The following STK3 variants were observed in gnomAD, a reference collection of about 807,000 sequenced individuals.
STK3 encodes serine/threonine kinase 3, also known as serine/threonine-protein kinase 3.
In STK3, 41 loss-of-function variants were observed where a neutral mutation model predicts 58.0. The observed-to-expected ratio is 0.71, with a 90% CI of 0.55 to 0.92. The LOEUF is 0.92. Among genes scored for constraint, STK3 ranks in the 40% least tolerant of loss-of-function variants. STK3 has a pLI of 0.00. For synonymous variants in STK3, 170 were observed against 191.0 expected, an observed-to-expected ratio of 0.89 and a Z score of 0.91; for missense variants, 479 against 602.7, an observed-to-expected ratio of 0.79 and a Z score of 2.15.
At chr8:98,552,296 C>T (rs1466379636) in intron 8 of STK3, among the ~76,000 whole-genome samples, 4 of 152,084 alleles carry the variant, frequency 2.6e-5, no homozygotes, top group Non-Finnish European at 5.9e-5. Flanking sequence ...GCAGATTGAT[C>T]CCTTCAGAAG....
chr8:98,506,127 G>C (rs375541012), intron 10 of STK3, among the ~76,000 whole-genome samples: 1 of 152,226 alleles, frequency 6.6e-6, no homozygotes, highest in Admixed American at 6.5e-5. Context: ...CCCCCTGCCA[G>C]GTTGCTGCCT....
chr8:98,378,731 C>A (rs1275320026), intron 2 of STK3, among the ~76,000 whole-genome samples: 2 of 152,156 alleles, frequency 1.3e-5, no homozygotes, highest in Non-Finnish European at 2.9e-5. Context: ...CCTTCTCTGG[C>A]TGCTTTCATA....
intron 6 of STK3, among the ~76,000 whole-genome samples, chr8:98,606,749 G>T (rs1365845136): frequency 6.6e-6 from 1 of 152,116 alleles, no homozygotes; most frequent in Non-Finnish European, 1.5e-5. Context: ...AGTCACACAG[G>T]CTCTGTGTTC....
chr8:98,448,771 G>A (rs1819064618), intron 1 of STK3, among the ~76,000 whole-genome samples: 1 of 152,128 alleles, frequency 6.6e-6, no homozygotes, highest in Admixed American at 6.6e-5. Context: ...TTCTGTTGAG[G>A]AAACATGGGG....
chr8:98,757,182 G>T (rs1428383676), intron 3 of STK3, among the ~76,000 whole-genome samples: 1 of 151,168 alleles, frequency 6.6e-6, no homozygotes, highest in African/African-American at 2.4e-5. Flanking sequence ...TAATAATAAA[G>T]CATACTTTTT....
intron 1 of STK3, among the ~76,000 whole-genome samples, chr8:98,900,333 G>A (rs1235372528): frequency 6.6e-6 from 1 of 151,890 alleles, no homozygotes; most frequent in Admixed American, 6.6e-5. Flanking sequence ...TGCCTGCCTC[G>A]GCTTCCCAAA....
intron 7 of STK3, among the ~76,000 whole-genome samples, chr8:98,587,943 T>TTTGCTTGGTAGATTTTCCTCCATCC (rs1814816116): frequency 6.6e-6 from 1 of 152,216 alleles, no homozygotes; most frequent in Non-Finnish European, 1.5e-5. Flanking sequence ...TTGTTTTCCA[T>TTTGCTTGGTAGATTTTCCTCCATCC]TTGCTTGGTA....
intron 10 of STK3, among the ~76,000 whole-genome samples, chr8:98,512,858 G>A (rs991628902): frequency 2.6e-5 from 4 of 152,104 alleles, no homozygotes; most frequent in Non-Finnish European, 5.9e-5. Context: ...AGTGGTGTCT[G>A]GTCAATTTAT....
intron 10 of STK3, among the ~76,000 whole-genome samples, chr8:98,508,260 CACTTTATG>C (rs1413723288): frequency 6.6e-6 from 1 of 152,114 alleles, no homozygotes; most frequent in Non-Finnish European, 1.5e-5. Flanking sequence ...CTTCAGGAAA[CACTTTATG>C]TTAACTATTA....
At chr8:98,909,329 C>T (rs969578940) in intron 1 of STK3, among the ~76,000 whole-genome samples, 6 of 151,984 alleles carry the variant, frequency 3.9e-5, no homozygotes, top group East Asian at 3.8e-4. Flanking sequence ...CATATTTTAT[C>T]GACAGATGTT....
intron 6 of STK3, among the ~76,000 whole-genome samples, chr8:98,670,775 T>TC (rs1447605861): frequency 3.3e-5 from 5 of 152,204 alleles, no homozygotes; most frequent in Admixed American, 6.5e-5. Flanking sequence ...TGACCCAACT[T>TC]CGAGTGAGAG....
At chr8:98,411,357 G>A (rs1252369134) in intron 3 of STK3, among the ~76,000 whole-genome samples, 1 of 152,228 alleles carries the variant, frequency 6.6e-6, no homozygotes, top group Non-Finnish European at 1.5e-5. Context: ...CTCCCTTTTA[G>A]AAGTATGCGG....
intron 10 of STK3, among the ~76,000 whole-genome samples, chr8:98,469,851 G>A (rs913724051): frequency 5.8e-4 from 88 of 152,296 alleles, no homozygotes; most frequent in African/African-American, 2.0e-3. Context: ...CTATGTGGCT[G>A]CTGAATTCAA....
At chr8:98,753,466 A>G (rs1383821380) in intron 3 of STK3, among the ~76,000 whole-genome samples, 2 of 152,094 alleles carry the variant, frequency 1.3e-5, no homozygotes, top group Admixed American at 6.6e-5. Flanking sequence ...ACTGGGGCCT[A>G]TCAGAAGGTG....
intron 7 of STK3, among the ~76,000 whole-genome samples, chr8:98,592,536 T>G (rs1307141320): frequency 6.6e-6 from 1 of 152,102 alleles, no homozygotes; most frequent in East Asian, 1.9e-4. Flanking sequence ...TGTGTGTTTT[T>G]GGGGTGTGTG....
At chr8:98,724,536 A>G (rs1048738440) in intron 4 of STK3, among the ~76,000 whole-genome samples, 5 of 152,212 alleles carry the variant, frequency 3.3e-5, no homozygotes, top group African/African-American at 1.2e-4. Flanking sequence ...ACACACCCAC[A>G]TATTTTTAAG....
At chr8:98,848,252 C>CTTT (rs368641269) in intron 3 of STK3, among the ~76,000 whole-genome samples, 1 of 144,250 alleles carries the variant, frequency 6.9e-6, no homozygotes. Context: ...CTTTTTTTTT[C>CTTT]TTTTTTTTTT....
At chr8:98,564,461 T>C (rs1210141704) in intron 8 of STK3, among the ~76,000 whole-genome samples, 1 of 152,086 alleles carries the variant, frequency 6.6e-6, no homozygotes, top group African/African-American at 2.4e-5. Flanking sequence ...AATGGTGGTT[T>C]CCAGAGGTAG....
At chr8:98,735,760 G>A (rs545957556) in intron 4 of STK3, among the ~76,000 whole-genome samples, 6 of 152,060 alleles carry the variant, frequency 3.9e-5, no homozygotes, top group Non-Finnish European at 8.8e-5. Context: ...CACTTAAATA[G>A]ACAAAATCTC....
Sources: allele counts gnomAD v4.1 joint callset (sites outside exome capture counted in the v4.1 genomes callset), GRCh38; gene constraint gnomAD v4.1.1; transcripts MANE v1.5; gene names NCBI Gene and HGNC (gene_info 2026-07-23, HGNC 2026-07-21).